The following CADPS2 variants were observed in gnomAD, a reference collection of about 807,000 sequenced individuals.
CADPS2 encodes calcium-dependent secretion activator 2.
CADPS2 carries 93 observed loss-of-function variants against 172.5 expected under a neutral mutation model. The ratio of observed to expected loss-of-function variants is 0.54; its 90% CI spans 0.46 to 0.64. The LOEUF is 0.64. CADPS2 is among the 30% of genes least tolerant of loss of function. CADPS2 has a pLI of 0.00. For missense variants in CADPS2, 1,420 were observed against 1,565.9 expected (o/e 0.91, Z 1.57); for synonymous variants, 546 against 555.2 (o/e 0.98, Z 0.23).
At chr7:122,502,155 G>A (rs1170536096) in intron 9 of CADPS2, among the ~76,000 whole-genome samples, 1 of 151,980 alleles carries the variant, frequency 6.6e-6, no homozygotes, top group South Asian at 2.1e-4. Context: ...AAGGTAGTAC[G>A]CTTTTATTCT....
chr7:122,345,840 A>G (rs1478390661), intron 27 of CADPS2, among the ~76,000 whole-genome samples, 159 bp from the exon 28 acceptor site: 1 of 152,170 alleles, frequency 6.6e-6, no homozygotes, highest in Non-Finnish European at 1.5e-5. Flanking sequence ...TTCCATAATT[A>G]AAGCAAATAA....
chr7:122,557,269 A>G (rs2065147785), intron 7 of CADPS2, among the ~76,000 whole-genome samples: 1 of 152,190 alleles, frequency 6.6e-6, no homozygotes, highest in African/African-American at 2.4e-5. Flanking sequence ...ATAAGGAAGC[A>G]GCTCCCAAGG....
At chr7:122,665,830 A>C (rs2135435138) in intron 2 of CADPS2, among the ~76,000 whole-genome samples, 1 of 152,312 alleles carries the variant, frequency 6.6e-6, no homozygotes, top group African/African-American at 2.4e-5. Flanking sequence ...CTCTGGCTCA[A>C]TTACTTACTA....
At chr7:122,856,060 C>CATAG (rs1815099957) in intron 1 of CADPS2, among the ~76,000 whole-genome samples, 1 of 152,152 alleles carries the variant, frequency 6.6e-6, no homozygotes, top group Non-Finnish European at 1.5e-5. Flanking sequence ...CTGCCTGGAA[C>CATAG]ATAGATACCT....
intron 8 of CADPS2, among the ~76,000 whole-genome samples, chr7:122,548,909 A>G (rs531163570): frequency 6.6e-6 from 1 of 152,322 alleles, no homozygotes; most frequent in East Asian, 1.9e-4. Context: ...AGAGCAACGA[A>G]CTACCATATC....
At chr7:122,689,859 G>A (rs142645914) in intron 2 of CADPS2, among the ~76,000 whole-genome samples, 120 of 152,300 alleles carry the variant, frequency 7.9e-4, no homozygotes, top group Middle Eastern at 3.4e-3. Context: ...GGGGCACCAC[G>A]TGTTCTCCCA....
chr7:122,823,360 T>C (rs1416412671), intron 1 of CADPS2, among the ~76,000 whole-genome samples: 1 of 152,218 alleles, frequency 6.6e-6, no homozygotes, highest in African/African-American at 2.4e-5. Context: ...GTAAGATATT[T>C]AGTGCATAAT....
At position 122,809,751 on chromosome 7, in the gene CADPS2, T is replaced by G. The variant is rs563722159; in HGVS notation, c.340-72683A>C. Among the ~76,000 whole-genome samples the G allele has an allele frequency of 4.6e-5, 7 of 152,296 alleles. No individual in the cohort carries two copies. The East Asian group carries it at 1.2e-3, about 25-fold the overall frequency. ...AATGTCTCCTCCTGTCTTGTTATTCTCGGGATATACAGAACCTGGAATGTA... is the reference window on the plus strand; with the variant it reads ...AATGTCTCCTCCTGTCTTGTTATTCGCGGGATATACAGAACCTGGAATGTA... On this transcript the variant is annotated intron_variant, in intron 1 of 29. Transcript: ENST00000449022.
chr7:122,598,779 G>C (rs1056976497), intron 6 of CADPS2, among the ~76,000 whole-genome samples: 6 of 152,080 alleles, frequency 3.9e-5, no homozygotes, highest in Non-Finnish European at 7.4e-5. Context: ...GAGGTTAAAT[G>C]CTTCATCAAA....
intron 8 of CADPS2, among the ~76,000 whole-genome samples, chr7:122,549,165 G>A (rs912800195): frequency 6.6e-6 from 1 of 152,130 alleles, no homozygotes; most frequent in African/African-American, 2.4e-5. Flanking sequence ...GGGAGGCTGA[G>A]GCAGGAGGAT....
intron 8 of CADPS2, among the ~76,000 whole-genome samples, chr7:122,517,489 A>T (rs2060467110): frequency 6.6e-6 from 1 of 152,090 alleles, no homozygotes; most frequent in South Asian, 2.1e-4. Flanking sequence ...TTGTTTTCCA[A>T]ACTGGCTATA....
intron 17 of CADPS2, among the ~76,000 whole-genome samples, chr7:122,428,144 C>T (rs1585926413): frequency 6.6e-6 from 1 of 152,108 alleles, no homozygotes; most frequent in Admixed American, 6.5e-5. Flanking sequence ...CCACCTAAAA[C>T]CTTTCAGGGA....
At chr7:122,502,306 T>C (rs1344133063) in intron 9 of CADPS2, among the ~76,000 whole-genome samples, 5 of 152,182 alleles carry the variant, frequency 3.3e-5, no homozygotes, top group Non-Finnish European at 7.4e-5. Context: ...AAATTAATAT[T>C]GTCATCCCTT....
At chr7:122,398,673 G>T (rs750877562) in intron 20 of CADPS2, among the ~76,000 whole-genome samples, 38 of 151,670 alleles carry the variant, frequency 2.5e-4, no homozygotes, top group Admixed American at 4.6e-4. Context: ...ATATGAATAT[G>T]GGCTTCAGGA....
intron 9 of CADPS2, among the ~76,000 whole-genome samples, chr7:122,493,841 GTTTTC>G (rs72500216): frequency 0.012 from 1,765 of 151,002 alleles, 34 homozygotes; most frequent in African/African-American, 0.041. Flanking sequence ...AACATTTGAA[GTTTTC>G]TTTTCTGTGA....
intron 6 of CADPS2, among the ~76,000 whole-genome samples, chr7:122,589,253 A>G (rs139310355): frequency 6.5e-4 from 99 of 152,084 alleles, no homozygotes; most frequent in African/African-American, 2.3e-3. Flanking sequence ...ATCTCCTTTT[A>G]ATTGAATAAT....
At chr7:122,850,014 G>A in intron 1 of CADPS2, 1 of 916,048 alleles carries the variant, frequency 1.1e-6, no homozygotes, top group Non-Finnish European at 1.6e-6. Flanking sequence ...GCTGGGGAAG[G>A]AACAGAAGGC....
At chr7:122,325,078 C>T (rs2033541077) in intron 29 of CADPS2, among the ~76,000 whole-genome samples, 1 of 152,050 alleles carries the variant, frequency 6.6e-6, no homozygotes, top group Non-Finnish European at 1.5e-5. Flanking sequence ...ATAACTGAGA[C>T]TCTCCTTATT....
chr7:122,583,536 A>T (rs2069142481), intron 6 of CADPS2, among the ~76,000 whole-genome samples: 1 of 151,752 alleles, frequency 6.6e-6, no homozygotes, highest in South Asian at 2.1e-4. Flanking sequence ...AGGTAAAAAA[A>T]ATTCCCATAT....
Sources: allele counts gnomAD v4.1 joint callset (sites outside exome capture counted in the v4.1 genomes callset), GRCh38; gene constraint gnomAD v4.1.1; transcripts MANE v1.5; gene names NCBI Gene and HGNC (gene_info 2026-07-23, HGNC 2026-07-21).